GMEB1: variants seen among roughly 807,000 people sequenced by gnomAD.
GMEB1 encodes the protein glucocorticoid modulatory element binding protein 1.
A neutral mutation model predicts 52.4 loss-of-function variants in GMEB1; 6 were observed. The observed-to-expected ratio is 0.11, with a 90% CI of 0.06 to 0.23. The LOEUF is 0.23. Among genes scored for constraint, GMEB1 ranks in the 10% least tolerant of loss-of-function variants. The pLI is 1.00. For missense variants in GMEB1, 486 were observed against 685.6 expected, an observed-to-expected ratio of 0.71 and a Z score of 3.25; for synonymous variants, 255 against 244.9, an observed-to-expected ratio of 1.04 and a Z score of -0.38.
At chr1:28,709,223 C>A (rs891174949) in intron 8 of GMEB1, among the ~76,000 whole-genome samples, 1 of 151,534 alleles carries the variant, frequency 6.6e-6, no homozygotes, top group Non-Finnish European at 1.5e-5. Context: ...AGTCAAATCG[C>A]TTGAACCTGG....
In GMEB1 at chr1:28,706,461, A is replaced by G. The variant is rs1171576595; in HGVS notation, c.868+2132A>G. 2.0e-5 allele frequency among the ~76,000 whole-genome samples: 3 copies of G among 151,364 alleles called. No homozygotes were observed. In the East Asian group the frequency reaches 6.0e-4, roughly 30 times the overall value. ...CTCTACAAAAATACAAAAATCCGCG[A>G]GGCATGATGGCGGGTGCCTGTAATC... On this transcript the variant is annotated intron_variant, in intron 8 of 9. Coordinates refer to ENST00000373816, the MANE Select transcript of GMEB1 (RefSeq NM_001319674.2).
chr1:28,709,036 A>G (rs1212264786), intron 8 of GMEB1, among the ~76,000 whole-genome samples: 2 of 151,610 alleles, frequency 1.3e-5, no homozygotes, highest in African/African-American at 4.8e-5. Flanking sequence ...GAGGAGGCTG[A>G]GGCAGGAGAA....
At chr1:28,692,358 C>G (rs1474282911) in intron 4 of GMEB1, among the ~76,000 whole-genome samples, 1 of 149,524 alleles carries the variant, frequency 6.7e-6, no homozygotes, top group African/African-American at 2.5e-5. Flanking sequence ...ATAGTGAAAC[C>G]CCATCTCTAC....
intron 6 of GMEB1, among the ~76,000 whole-genome samples, chr1:28,701,533 G>T (rs919554002): frequency 6.6e-6 from 1 of 152,078 alleles, no homozygotes; most frequent in Non-Finnish European, 1.5e-5. Context: ...CTCCCAAAGT[G>T]CTGGGATTAC....
chr1:28,683,918 A>G (rs1047989377), intron 2 of GMEB1, among the ~76,000 whole-genome samples, 178 bp downstream of exon 2: 16 of 152,180 alleles, frequency 1.1e-4, no homozygotes, highest in African/African-American at 3.6e-4. Flanking sequence ...AATACTTATT[A>G]CCAACAGTTA....
chr1:28,692,393 G>A (rs1257048101), intron 4 of GMEB1, among the ~76,000 whole-genome samples: 2 of 151,968 alleles, frequency 1.3e-5, no homozygotes, highest in African/African-American at 4.8e-5. Context: ...TTAGCTGGAC[G>A]TGGTATTGGG....
chr1:28,714,882 A>C lies in GMEB1; in HGVS notation c.*109A>C, dbSNP rs1671221497. On this transcript the variant is annotated 3_prime_UTR_variant, in exon 10 of 10. Coordinates refer to ENST00000373816, the MANE Select transcript of GMEB1 (RefSeq NM_001319674.2). ...ACATAGGACCCTTTTTTAAAAAAAAAAAAACAAAATCTTATTGTTGTAACT... is the reference window on the plus strand; with the variant it reads ...ACATAGGACCCTTTTTTAAAAAAAACAAAACAAAATCTTATTGTTGTAACT... The C allele has an allele frequency of 1.0e-5, 8 of 786,574 alleles. No homozygotes were observed. Among genetic ancestry groups the C allele is most frequent in the South Asian group, 4.0e-5 (2 of 50,086 alleles). The allele number at this position is 786,574 out of a possible 1,614,324, so 48.7% of individuals were successfully genotyped here. A position where few individuals can be genotyped will look rare whatever the true frequency, so the allele number is the denominator to read the frequency against.
chr1:28,671,725 C>G (rs1456500319), intron 1 of GMEB1, among the ~76,000 whole-genome samples: 3 of 151,682 alleles, frequency 2.0e-5, no homozygotes, highest in African/African-American at 7.3e-5. Flanking sequence ...GCCTGGGTGA[C>G]AGAGTGAGAC....
chr1:28,677,390 G>T (rs1173600389), intron 1 of GMEB1, among the ~76,000 whole-genome samples: 2 of 152,110 alleles, frequency 1.3e-5, no homozygotes, highest in African/African-American at 4.8e-5. Context: ...GCAGAGACAG[G>T]GTTTCCCCGT....
chr1:28,691,274 G>T (rs1367604344), intron 3 of GMEB1, among the ~76,000 whole-genome samples: 1 of 151,980 alleles, frequency 6.6e-6, no homozygotes, highest in East Asian at 1.9e-4. Flanking sequence ...CTCCAGCCTG[G>T]GTGACAGAGT....
intron 2 of GMEB1, among the ~76,000 whole-genome samples, chr1:28,685,977 G>T (rs1380224026): frequency 6.6e-6 from 1 of 152,010 alleles, no homozygotes; most frequent in Non-Finnish European, 1.5e-5. Context: ...CAAACAAAAA[G>T]AAATCTTGTT....
At chr1:28,680,386 AT>A (rs1669339461) in intron 1 of GMEB1, among the ~76,000 whole-genome samples, 1 of 152,156 alleles carries the variant, frequency 6.6e-6, no homozygotes, top group Non-Finnish European at 1.5e-5. Flanking sequence ...TTTGAAAACC[AT>A]TTATTACACT....
chr1:28,711,566 C>T (rs1671064922), intron 9 of GMEB1, among the ~76,000 whole-genome samples: 1 of 152,144 alleles, frequency 6.6e-6, no homozygotes, highest in Non-Finnish European at 1.5e-5. Context: ...GGGTGACCCT[C>T]CCACCTCAGC....
chr1:28,703,180 T>G (rs1240215082), intron 7 of GMEB1, among the ~76,000 whole-genome samples: 12 of 152,186 alleles, frequency 7.9e-5, no homozygotes, highest in Admixed American at 7.9e-4. Context: ...ATTTCTTAGA[T>G]AGACTAAGTT....
intron 2 of GMEB1, among the ~76,000 whole-genome samples, chr1:28,689,243 C>A (rs1344729409): frequency 2.0e-5 from 3 of 151,972 alleles, no homozygotes; most frequent in Admixed American, 2.0e-4. Context: ...CCAGGCTGGT[C>A]TCGAACTCCT....
At chr1:28,686,955 G>A (rs948952146) in intron 2 of GMEB1, among the ~76,000 whole-genome samples, 1 of 152,050 alleles carries the variant, frequency 6.6e-6, no homozygotes, top group Non-Finnish European at 1.5e-5. Context: ...AAAACCCAAC[G>A]TACAGCTGGG....
At chr1:28,693,508 C>T (rs529061881) in intron 5 of GMEB1, among the ~76,000 whole-genome samples, 117 of 151,842 alleles carry the variant, frequency 7.7e-4, no homozygotes, top group Non-Finnish European at 1.2e-3. Context: ...TGAACCACCA[C>T]GCCCAGCCTC....
chr1:28,683,294 C>T (rs1466677643), intron 1 of GMEB1, among the ~76,000 whole-genome samples: 2 of 151,770 alleles, frequency 1.3e-5, no homozygotes, highest in South Asian at 2.1e-4. Context: ...GGCATGATCT[C>T]GGCTCACCGC....
intron 3 of GMEB1, 58 bp downstream of exon 3, chr1:28,690,244 C>G: frequency 1.5e-6 from 1 of 669,470 alleles, no homozygotes; most frequent in Non-Finnish European, 2.3e-6. Context: ...ATACCTTTGA[C>G]TTTAGCTTCC....
Sources: gnomAD v4.1 joint callset for allele counts (sites outside exome capture counted in the v4.1 genomes callset) on GRCh38, gnomAD v4.1.1 for gene constraint, MANE v1.5 for transcripts, NCBI Gene and HGNC (gene_info 2026-07-23, HGNC 2026-07-21) for gene names.